The following PHLDB1 variants were observed in gnomAD, a reference collection of about 807,000 sequenced individuals.
PHLDB1 encodes pleckstrin homology-like domain family B member 1.
PHLDB1 carries 65 observed loss-of-function variants against 139.3 expected under a neutral mutation model. That is an observed-to-expected ratio of 0.47 (90% CI 0.38 to 0.57). The LOEUF (loss-of-function observed/expected upper bound fraction) is 0.57, where lower values mean the gene tolerates loss of function less well. Among genes scored for constraint, PHLDB1 ranks in the 20% least tolerant of loss-of-function variants. The probability of loss-of-function intolerance (pLI) is 0.00; values close to 1 mark genes in which losing one functional copy is unlikely to be tolerated. For missense variants in PHLDB1, 1,624 were observed against 1,839.7 expected (o/e 0.88, Z 2.14); for synonymous variants, 679 against 734.5 (o/e 0.92, Z 1.22).
chr11:118,622,966 C>T (rs1943113496), intron 4 of PHLDB1, among the ~76,000 whole-genome samples: 1 of 152,144 alleles, frequency 6.6e-6, no homozygotes, highest in South Asian at 2.1e-4. Flanking sequence ...TAGTGAGTGG[C>T]TTTATCCACT....
In PHLDB1 at chr11:118,610,996, T is replaced by C. The variant is rs1321585784; in HGVS notation, c.-21-2820T>C. On this transcript the variant is annotated intron_variant, in intron 1 of 22. Transcript: ENST00000600882. The surrounding 1 kb of genome is among the most constrained non-coding windows in gnomAD (Gnocchi z 8.7). ...CAGGGCCGGACGCGCACCGCAGGGG[T>C]CTTTTTTTGGCCGCGGGGCCGGGCG... is the stretch of plus-strand genomic sequence containing the variant. Among the ~76,000 whole-genome samples the C allele has an allele frequency of 1.3e-5, 2 of 151,344 alleles. No homozygotes were observed. Among genetic ancestry groups the C allele is most frequent in the Admixed American group, 6.6e-5 (1 of 15,252 alleles).
chr11:118,628,514 G>A lies in PHLDB1; in HGVS notation c.1691G>A (p.Ser564Asn). ...QSPCVQRKLS[S>N]GDLRVPVTRE... The stretch of plus-strand genomic sequence containing the variant: ...CCCTGTGTCCAGAGGAAGCTCTCCA[G>A]CGGGGACTTGCGGGTGCCTGTCACA... The change falls in exon 6 of 23, where the codon AGC (serine) becomes AAC (asparagine). Residue 564 changes from serine to asparagine, a missense_variant. Transcript: ENST00000600882. 6.2e-7 allele frequency: 1 copy of A among 1,613,280 alleles called. No homozygotes were observed.
In PHLDB1 at chr11:118,639,015, G is replaced by A. The variant is rs781897018; in HGVS notation, c.2646+14G>A. On this transcript the variant is annotated intron_variant, in intron 11 of 22. Transcript: ENST00000600882. ...CTGCTGCAAAAGGTAGGGTCCCTGA[G>A]GTTGGGCCGGGAGATTTGGAGTAGG... 5 of 1,606,446 alleles carry A rather than the reference G, an allele frequency of 3.1e-6. No individual in the cohort carries two copies. In the South Asian group the frequency reaches 5.5e-5, roughly 18 times the overall value.
chr11:118,643,287 T>C (rs2136649765), intron 13 of PHLDB1, among the ~76,000 whole-genome samples: 1 of 152,344 alleles, frequency 6.6e-6, no homozygotes, highest in South Asian at 2.1e-4. Flanking sequence ...AGCTAGGAAG[T>C]AGCAGAGCTT....
chr11:118,624,627 G>A (rs577504449), intron 4 of PHLDB1: 1 of 101,984 alleles, frequency 9.8e-6, no homozygotes, highest in African/African-American at 4.0e-5. Context: ...TTGAGACAGA[G>A]TTTAGCTCTT....
chr11:118,645,662 G>T lies in PHLDB1; in HGVS notation c.3416+12G>T. On this transcript the variant is annotated intron_variant, in intron 16 of 22. Transcript: ENST00000600882. This position sits in a 1 kb window ranked among gnomAD's most constrained non-coding sequence, Gnocchi z 5.1. ...GACAACATGTCCAGGTACACCCGAC[G>T]CCTGGGCCCGCAGCCTCCCTCAGCC... The T allele has an allele frequency of 6.2e-7, 1 of 1,613,376 alleles. No individual in the cohort carries two copies. Among genetic ancestry groups the T allele is most frequent in the Non-Finnish European group, 8.5e-7 (1 of 1,179,430 alleles).
In PHLDB1 at chr11:118,645,940, T is replaced by C; in HGVS notation, c.3507+115T>C. ...TTCCACCCACATTAGCCTTGCCACA[T>C]TCCCTTGGGGTAGAAAATGTTTTAA... On this transcript the variant is annotated intron_variant, in intron 17 of 22. Coordinates refer to ENST00000600882, the MANE Select transcript of PHLDB1 (RefSeq NM_001144758.3). The surrounding 1 kb of genome is among the most constrained non-coding windows in gnomAD (Gnocchi z 5.1). The C allele has an allele frequency of 4.0e-6, 3 of 756,010 alleles. No homozygotes were observed. The South Asian group carries it at 4.2e-5, about 11-fold the overall frequency. 46.8% of individuals were successfully genotyped at this position (756,010 alleles called of 1,614,324 possible).
In PHLDB1 at chr11:118,635,491, C is replaced by G; in HGVS notation, c.2478C>G (p.Ala826=). 2 of 1,610,240 alleles carry G rather than the reference C, an allele frequency of 1.2e-6. No homozygotes were observed. The highest frequency in any genetic ancestry group is 8.5e-7 in the Non-Finnish European group (1 of 1,178,554). The change falls in exon 10 of 23, where the codon GCC becomes GCG. Residue 826 remains alanine (A), a synonymous_variant. Transcript: ENST00000600882. The part of the protein sequence containing the change: ...ESRVEEEREL[A]GQGLLRSKAE... ...GCGTGGAGGAGGAGCGCGAGCTGGC[C>G]GGCCAGGGGCTGCTCCGGAGCAAGG...
At chr11:118,616,949 A>G (rs782083108) in intron 4 of PHLDB1, among the ~76,000 whole-genome samples, 2 of 152,152 alleles carry the variant, frequency 1.3e-5, no homozygotes, top group Non-Finnish European at 2.9e-5. Flanking sequence ...GGAAGCTGAG[A>G]TAGGAGAATC....
At chr11:118,616,884 A>G (rs534384540) in intron 4 of PHLDB1, among the ~76,000 whole-genome samples, 2 of 152,196 alleles carry the variant, frequency 1.3e-5, no homozygotes, top group Admixed American at 1.3e-4. Context: ...GTCTCTACCC[A>G]AAATACAAAA....
intron 4 of PHLDB1, among the ~76,000 whole-genome samples, chr11:118,619,395 A>T (rs1942308163): frequency 6.6e-6 from 1 of 152,174 alleles, no homozygotes; most frequent in Non-Finnish European, 1.5e-5. Flanking sequence ...TCTCTCTGGG[A>T]TCTAGGACAT....
chr11:118,644,691 G>A (rs1555125297), intron 15 of PHLDB1: 1 of 1,289,466 alleles, frequency 7.8e-7, no homozygotes, highest in African/African-American at 1.5e-5. Context: ...CGACCCAGCA[G>A]GTAGAACGTT....
In PHLDB1 at chr11:118,611,122, G is replaced by T. The variant is rs965522148; in HGVS notation, c.-21-2694G>T. Among the ~76,000 whole-genome samples, 34 of 152,354 alleles carry T rather than the reference G, an allele frequency of 2.2e-4. No homozygotes were observed. Among genetic ancestry groups the T allele is most frequent in the African/African-American group, 7.5e-4 (31 of 41,600 alleles). On this transcript the variant is annotated intron_variant, in intron 1 of 22. Transcript: ENST00000600882. The surrounding 1 kb of genome is among the most constrained non-coding windows in gnomAD (Gnocchi z 4.7). ...CGCGTAGCGCCACTCAGCCGCCGGGGCCAGAGCGGGAGTCAAGGTGAGGGC... is the reference window on the plus strand; with the variant it reads ...CGCGTAGCGCCACTCAGCCGCCGGGTCCAGAGCGGGAGTCAAGGTGAGGGC...
rs1555142693 is a variant in PHLDB1, at chr11:118,657,414, A to G, written c.*591A>G. 1 of 153,136 alleles carries G rather than the reference A, an allele frequency of 6.5e-6. No homozygotes were observed. The highest frequency in any genetic ancestry group is 2.4e-5 in the African/African-American group (1 of 41,440). 9.5% of individuals were successfully genotyped at this position (153,136 alleles called of 1,614,324 possible). On this transcript the variant is annotated 3_prime_UTR_variant, in exon 23 of 23. Coordinates refer to ENST00000600882, the MANE Select transcript of PHLDB1 (RefSeq NM_001144758.3). ...GCCATGGTTACATACTAATTGCTGC[A>G]GCTCTGTGGCCCAGCCCACTGCTTC...
chr11:118,615,953 AAT>A (rs1941552894), intron 3 of PHLDB1, 86 bp from the exon 4 acceptor site: 1 of 1,092,996 alleles, frequency 9.1e-7, no homozygotes, highest in Non-Finnish European at 1.4e-6. Context: ...AGGAGGTGGA[AAT>A]ATGTTTCCAC....
intron 12 of PHLDB1, chr11:118,641,672 C>G: frequency 1.6e-6 from 2 of 1,289,468 alleles, no homozygotes; most frequent in Non-Finnish European, 2.0e-6. Context: ...CCCCCAGCCC[C>G]TGTGCCAGGC....
At chr11:118,646,461 T>C (rs563038249) in intron 17 of PHLDB1, 1 of 152,636 alleles carries the variant, frequency 6.6e-6, no homozygotes, top group African/African-American at 2.4e-5. Flanking sequence ...GGAATTTTGA[T>C]TCCTGTCTAC....
rs782513164 is a variant in PHLDB1 at position 118,638,949 on chromosome 11, A to C, written c.2594A>C (p.Glu865Ala). Residue 865 changes from glutamate (E) to alanine (A), a missense_variant, in exon 11 of 23, where the codon GAA becomes GCA. Glu to Ala is a moderately radical substitution (Grantham distance 107, BLOSUM62 -1). Transcript: ENST00000600882. ...AGQIRAQAVQ[E>A]SERLARDKNA... ...CAGATCCGGGCTCAGGCCGTGCAGG[A>C]ATCAGAACGCCTGGCCCGGGACAAG... 3 of 1,613,614 alleles carry C rather than the reference A, an allele frequency of 1.9e-6. No homozygotes were observed. Among genetic ancestry groups the C allele is most frequent in the African/African-American group, 1.3e-5 (1 of 74,896 alleles).
At chr11:118,625,600 A>T (rs1943716795) in intron 5 of PHLDB1, among the ~76,000 whole-genome samples, 1 of 152,192 alleles carries the variant, frequency 6.6e-6, no homozygotes, top group Non-Finnish European at 1.5e-5. Context: ...CCAGCTGCAC[A>T]GGGGGGCAGG....
Sources: gnomAD v4.1 joint callset for allele counts (sites outside exome capture counted in the v4.1 genomes callset) on GRCh38, gnomAD v4.1.1 for gene constraint, Gnocchi (gnomAD v3.1) non-coding constraint, MANE v1.5 for transcripts, NCBI Gene and HGNC (gene_info 2026-07-23, HGNC 2026-07-21) for gene names.